The following LIMA1 variants were observed in gnomAD, a reference collection of about 807,000 sequenced individuals.
The protein encoded by LIMA1 is LIM domain and actin binding 1.
A neutral mutation model predicts 62.6 loss-of-function variants in LIMA1; 52 were observed. The observed-to-expected ratio is 0.83, with a 90% CI of 0.67 to 1.05. The LOEUF (loss-of-function observed/expected upper bound fraction) is 1.05, where lower values mean the gene tolerates loss of function less well. LIMA1 is among the 50% of genes least tolerant of loss of function. The pLI is 0.00. For missense variants in LIMA1, 780 were observed against 902.2 expected (o/e 0.86, Z 1.74); for synonymous variants, 302 against 317.8 (o/e 0.95, Z 0.53).
At chr12:50,217,737 C>T in intron 4 of LIMA1, 1 of 317,124 alleles carries the variant, frequency 3.2e-6, no homozygotes. Context: ...TTGTGGGCTT[C>T]ATGACCTTGA....
At chr12:50,207,214 T>C (rs181337469) in intron 4 of LIMA1, among the ~76,000 whole-genome samples, 14 of 152,260 alleles carry the variant, frequency 9.2e-5, no homozygotes, top group African/African-American at 3.1e-4. Flanking sequence ...CTTGAGCCAC[T>C]GCGCCTGGCC....
chr12:50,192,301 G>T (rs1565832292), intron 9 of LIMA1, 151 bp downstream of exon 9: 2 of 613,310 alleles, frequency 3.3e-6, no homozygotes, highest in Non-Finnish European at 2.9e-6. Flanking sequence ...GATTTCCAGG[G>T]AAAGCGACTG....
intron 1 of LIMA1, among the ~76,000 whole-genome samples, chr12:50,263,167 A>G (rs1942092373): frequency 6.6e-6 from 1 of 152,190 alleles, no homozygotes; most frequent in Non-Finnish European, 1.5e-5. Flanking sequence ...TCTGTTGCTG[A>G]ATTTAAAATG....
chr12:50,274,836 G>A (rs180989773), intron 1 of LIMA1, among the ~76,000 whole-genome samples: 48 of 152,236 alleles, frequency 3.2e-4, no homozygotes, highest in African/African-American at 9.9e-4. Context: ...ACAATAGATG[G>A]GGGAGTTTTC....
rs149329724 is a variant in LIMA1, at chr12:50,193,525, C to G, written c.1031-964G>C. ...TATATGTGTATATATGATATATATA[C>G]ACATATATGATATATATATACATAT... On this transcript the variant is annotated intron_variant, in intron 8 of 10. Coordinates refer to ENST00000341247, the MANE Select transcript of LIMA1 (RefSeq NM_016357.5). Among the ~76,000 whole-genome samples, 839 of 123,816 alleles carry G rather than the reference C, an allele frequency of 6.8e-3. 10 individuals carry two copies. Among genetic ancestry groups the G allele is most frequent in the African/African-American group, 0.026 (810 of 31,162 alleles). The allele number at this position is 123,816 out of a possible 152,430, so 81.2% of individuals were successfully genotyped here. A position where few individuals can be genotyped will look rare whatever the true frequency, so the allele number is the denominator to read the frequency against.
chr12:50,220,967 C>T (rs182624499), intron 4 of LIMA1, among the ~76,000 whole-genome samples: 5 of 152,300 alleles, frequency 3.3e-5, no homozygotes, highest in Admixed American at 6.5e-5. Context: ...CATTCAAGAA[C>T]TTTTCTAATT....
At chr12:50,205,912 T>G in intron 5 of LIMA1, 72 bp downstream of exon 5, 3 of 1,085,912 alleles carry the variant, frequency 2.8e-6, no homozygotes, top group Non-Finnish European at 4.0e-6. Context: ...AGCATTGGCT[T>G]CGAGTCCAAA....
intron 1 of LIMA1, among the ~76,000 whole-genome samples, chr12:50,272,724 A>C (rs1942228495): frequency 2.6e-5 from 4 of 151,892 alleles, no homozygotes; most frequent in Admixed American, 6.6e-5. Context: ...TTGGCTACTT[A>C]TCTGGACCAG....
At chr12:50,187,781 G>A (rs1391196801) in intron 9 of LIMA1, 1 of 152,226 alleles carries the variant, frequency 6.6e-6, no homozygotes, top group East Asian at 1.9e-4. Flanking sequence ...ACGCTGTGAG[G>A]AGGCCTGGGA....
intron 4 of LIMA1, among the ~76,000 whole-genome samples, chr12:50,207,953 T>C (rs1941184037): frequency 6.6e-6 from 1 of 151,938 alleles, no homozygotes; most frequent in African/African-American, 2.4e-5. Flanking sequence ...ACCCCCTCCT[T>C]GGAGACAGAA....
At chr12:50,234,903 G>A (rs891998150) in intron 2 of LIMA1, among the ~76,000 whole-genome samples, 3 of 151,858 alleles carry the variant, frequency 2.0e-5, no homozygotes, top group African/African-American at 7.3e-5. Flanking sequence ...CCCAGCTACC[G>A]GGGAGGCTGA....
At position 50,197,503 on chromosome 12, in the gene LIMA1, TTG is replaced by T. The variant is rs578156278; in HGVS notation, c.973-1618_973-1617del. On this transcript the variant is annotated intron_variant, in intron 7 of 10. Transcript: ENST00000341247. The stretch of plus-strand genomic sequence containing the variant: ...TGCGAATTTTAAGGCAGCTGAGGGT[TTG>T]TAAACCTGCAGCATGTGCTTGAAGA... 3.7e-4 allele frequency among the ~76,000 whole-genome samples: 56 copies of T among 152,330 alleles called. No individual in the cohort carries two copies. In the South Asian group the frequency reaches 0.011, roughly 30 times the overall value.
At chr12:50,209,057 T>C (rs1039603479) in intron 4 of LIMA1, among the ~76,000 whole-genome samples, 1 of 150,850 alleles carries the variant, frequency 6.6e-6, no homozygotes, top group South Asian at 2.1e-4. Context: ...TCTCAAACTC[T>C]TGGGCTCAAG....
chr12:50,222,154 C>A lies in LIMA1; in HGVS notation c.497G>T (p.Gly166Val). ...TTTTTCTACTTCATGCCTGGATTCT[C>A]CTAGACAATTTTCCATTTTTTTACT... ...TESKKMENCL[G>V]ESRHEVEKSE... The change falls in exon 4 of 11, where the codon GGA becomes GTA. Residue 166 changes from glycine to valine, a missense_variant. Physicochemically the swap from Gly to Val is moderately radical, Grantham distance 109 (BLOSUM62 -3). Coordinates refer to ENST00000341247, the MANE Select transcript of LIMA1 (RefSeq NM_016357.5). The A allele has an allele frequency of 6.2e-7, 1 of 1,614,162 alleles. No homozygotes were observed. The highest frequency in any genetic ancestry group is 1.1e-5 in the South Asian group (1 of 91,086).
rs368504204 is a variant in LIMA1, at chr12:50,204,701, C to T, written c.716-1G>A. ...TCAAATGTAGAAGATGACAACTGACCTGGAAGCATCCAAATAACATGTTTT... is the reference window on the plus strand; with the variant it reads ...TCAAATGTAGAAGATGACAACTGACTTGGAAGCATCCAAATAACATGTTTT... On this transcript the variant is annotated splice_acceptor_variant, in intron 5 of 10. Coordinates refer to ENST00000341247, the MANE Select transcript of LIMA1 (RefSeq NM_016357.5). LOFTEE classifies it high-confidence loss of function. 1.2e-6 allele frequency: 2 copies of T among 1,613,878 alleles called. No homozygotes were observed. The highest frequency in any genetic ancestry group is 1.7e-6 in the Non-Finnish European group (2 of 1,179,920).
At chr12:50,248,592 C>T (rs748031322) in intron 2 of LIMA1, 41 bp downstream of exon 2, 3 of 1,250,448 alleles carry the variant, frequency 2.4e-6, no homozygotes, top group Admixed American at 1.7e-5. Context: ...GCAATGTGTG[C>T]TCCAGACAGA....
chr12:50,279,723 C>T (rs573352149), intron 1 of LIMA1, among the ~76,000 whole-genome samples: 3 of 152,230 alleles, frequency 2.0e-5, no homozygotes, highest in South Asian at 2.1e-4. Flanking sequence ...GGGTAAGGAC[C>T]GTTAGACAGA....
At chr12:50,229,596 T>C (rs1464978454) in intron 3 of LIMA1, among the ~76,000 whole-genome samples, 6 of 152,022 alleles carry the variant, frequency 3.9e-5, no homozygotes, top group African/African-American at 1.4e-4. Context: ...CTAATGTAAA[T>C]GACGAGTTAA....
In LIMA1 at chr12:50,227,770, T is replaced by C. The variant is rs960580725; in HGVS notation, c.165+3895A>G. On this transcript the variant is annotated intron_variant, in intron 3 of 10. Coordinates refer to ENST00000341247, the MANE Select transcript of LIMA1 (RefSeq NM_016357.5). Reference sequence around the variant, plus strand: ...CAGGCACTGCCTCTTCTGGGAAGCCTTTCTAGATGTAGCACAGTTCAGATC... The same window carrying C: ...CAGGCACTGCCTCTTCTGGGAAGCCCTTCTAGATGTAGCACAGTTCAGATC... Among the ~76,000 whole-genome samples, 10 of 152,266 alleles carry C rather than the reference T, an allele frequency of 6.6e-5. No homozygotes were observed. The East Asian group carries it at 1.7e-3, about 26-fold the overall frequency.
Sources: gnomAD v4.1 joint callset for allele counts (sites outside exome capture counted in the v4.1 genomes callset) on GRCh38, gnomAD v4.1.1 for gene constraint, MANE v1.5 for transcripts, NCBI Gene and HGNC (gene_info 2026-07-23, HGNC 2026-07-21) for gene names.